TBX5: variants seen among roughly 807,000 people sequenced by gnomAD.
TBX5 encodes T-box transcription factor 5.
TBX5 carries 8 observed loss-of-function variants against 51.1 expected under a neutral mutation model. The ratio of observed to expected loss-of-function variants is 0.16; its 90% CI spans 0.09 to 0.28. TBX5 has a LOEUF of 0.28. Among genes scored for constraint, TBX5 ranks in the 10% least tolerant of loss-of-function variants. The pLI is 1.00. For missense variants in TBX5, 589 were observed against 671.7 expected (o/e 0.88, Z 1.36); for synonymous variants, 302 against 266.4 (o/e 1.13, Z -1.30).
At chr12:114,368,198 A>G (rs1869659897) in intron 7 of TBX5, among the ~76,000 whole-genome samples, 1 of 152,186 alleles carries the variant, frequency 6.6e-6, no homozygotes, top group Non-Finnish European at 1.5e-5. Flanking sequence ...ATTAAGACGA[A>G]TGTTTATGTG....
Position 114,355,936 on chromosome 12 carries a change from G to A in TBX5, c.1153C>T (p.Pro385Ser), listed in dbSNP as rs1020820745. The A allele has an allele frequency of 3.7e-6, 6 of 1,613,752 alleles. No individual in the cohort carries two copies. Among genetic ancestry groups the A allele is most frequent in the Middle Eastern group, 1.6e-4 (1 of 6,084 alleles). The part of the protein sequence containing the change: ...RQACMYASSA[P>S]PSEPVPSLED... ...AGGCTGGGCACAGGCTCGCTGGGGG[G>A]CGCAGAGCTGGCATACATGCAAGCT... The change falls in exon 9 of 9, where the codon CCC becomes TCC. Residue 385 changes from proline to serine, a missense_variant. Pro to Ser is a moderately conservative substitution (Grantham distance 74). Coordinates refer to ENST00000405440, the MANE Select transcript of TBX5 (RefSeq NM_181486.4).
At chr12:114,401,613 T>A (rs1871814719) in intron 3 of TBX5, among the ~76,000 whole-genome samples, 1 of 152,184 alleles carries the variant, frequency 6.6e-6, no homozygotes, top group Admixed American at 6.5e-5. Context: ...ATTTCCTCCA[T>A]CCTAGGAGAG....
chr12:114,358,631 C>CA (rs1224490893), intron 8 of TBX5, among the ~76,000 whole-genome samples: 3 of 151,400 alleles, frequency 2.0e-5, no homozygotes, highest in African/African-American at 7.3e-5. Flanking sequence ...TATAGGATAC[C>CA]AAAAAAATTT....
chr12:114,399,665 C>A (rs756340269), intron 3 of TBX5, 33 bp from the exon 4 acceptor site: 3 of 1,613,804 alleles, frequency 1.9e-6, no homozygotes, highest in Non-Finnish European at 1.7e-6. Context: ...GAGAGGGGGG[C>A]GGGAATTAAT....
intron 8 of TBX5, among the ~76,000 whole-genome samples, chr12:114,362,691 G>T (rs976152509): frequency 6.6e-6 from 1 of 151,978 alleles, no homozygotes; most frequent in African/African-American, 2.4e-5. Context: ...TTGAGACAGG[G>T]TCTCTCTCTG....
At chr12:114,361,507 G>T (rs1869238408) in intron 8 of TBX5, among the ~76,000 whole-genome samples, 1 of 152,210 alleles carries the variant, frequency 6.6e-6, no homozygotes, top group South Asian at 2.1e-4. Context: ...GGATTTGATT[G>T]AGTGGCATTG....
chr12:114,355,176 A>G lies in TBX5; in HGVS notation c.*356T>C, dbSNP rs1868804479. On this transcript the variant is annotated 3_prime_UTR_variant, in exon 9 of 9. Transcript: ENST00000405440. ...GACTCCAACTACGCACTAGGGAAAA[A>G]CACTCAATGAGGCAAGACTTTCTAG... is the stretch of plus-strand genomic sequence containing the variant. 2.7e-6 allele frequency: 1 copy of G among 376,992 alleles called. No homozygotes were observed. The highest frequency in any genetic ancestry group is 5.1e-6 in the Non-Finnish European group (1 of 195,704). The allele number at this position is 376,992 out of a possible 1,614,324, so 23.4% of individuals were successfully genotyped here. A position where few individuals can be genotyped will look rare whatever the true frequency, so the allele number is the denominator to read the frequency against.
intron 8 of TBX5, among the ~76,000 whole-genome samples, chr12:114,358,491 T>A (rs1205245150): frequency 2.0e-5 from 3 of 152,142 alleles, no homozygotes; most frequent in Non-Finnish European, 2.9e-5. Context: ...TCCATTTGTA[T>A]CAATGTCCAA....
intron 7 of TBX5, among the ~76,000 whole-genome samples, chr12:114,368,995 C>T (rs1022154872): frequency 6.7e-5 from 10 of 148,510 alleles, no homozygotes; most frequent in South Asian, 4.3e-4. Flanking sequence ...GTTCAAGCTA[C>T]GTAATGGAAA....
intron 6 of TBX5, among the ~76,000 whole-genome samples, chr12:114,387,825 C>T (rs548488022): frequency 1.3e-3 from 198 of 152,244 alleles, no homozygotes; most frequent in Admixed American, 2.8e-3. Context: ...TAAAACTGCT[C>T]TAAAAAATGA....
intron 6 of TBX5, among the ~76,000 whole-genome samples, chr12:114,393,855 A>G (rs1470935868): frequency 6.6e-6 from 1 of 152,072 alleles, no homozygotes; most frequent in African/African-American, 2.4e-5. Context: ...GTGTTATCCC[A>G]AGCTGCTGGT....
chr12:114,397,817 G>A (rs909972249), intron 5 of TBX5, among the ~76,000 whole-genome samples: 2 of 152,212 alleles, frequency 1.3e-5, no homozygotes, highest in Non-Finnish European at 2.9e-5. Context: ...AAGCTAAAAA[G>A]TGGCACTGGC....
At chr12:114,365,889 G>A (rs1157988946) in intron 8 of TBX5, among the ~76,000 whole-genome samples, 11 of 150,840 alleles carry the variant, frequency 7.3e-5, no homozygotes, top group African/African-American at 2.7e-4. Flanking sequence ...CTCTGCACTC[G>A]CCACGTGTAT....
At chr12:114,377,888 T>C (rs912956168) in intron 7 of TBX5, among the ~76,000 whole-genome samples, 1 of 152,042 alleles carries the variant, frequency 6.6e-6, no homozygotes. Flanking sequence ...CAGTTCCCAA[T>C]GTGGCTGTGT....
intron 6 of TBX5, among the ~76,000 whole-genome samples, chr12:114,393,095 T>G (rs1871246871): frequency 6.6e-6 from 1 of 152,132 alleles, no homozygotes; most frequent in Non-Finnish European, 1.5e-5. Flanking sequence ...AGTCCCGGCC[T>G]CAGTTGGGGT....
chr12:114,382,512 A>T (rs910078697), intron 7 of TBX5, among the ~76,000 whole-genome samples: 1 of 152,038 alleles, frequency 6.6e-6, no homozygotes, highest in Admixed American at 6.6e-5. Context: ...AAAAATACAA[A>T]TTTAGGCTAG....
intron 7 of TBX5, among the ~76,000 whole-genome samples, chr12:114,371,345 TC>T (rs1869891017): frequency 6.6e-6 from 1 of 152,268 alleles, no homozygotes; most frequent in Non-Finnish European, 1.5e-5. Context: ...GACCAGCTTC[TC>T]CCCAGCTCTG....
intron 6 of TBX5, among the ~76,000 whole-genome samples, chr12:114,387,910 C>T (rs1870910303): frequency 6.6e-6 from 1 of 152,204 alleles, no homozygotes; most frequent in Admixed American, 6.5e-5. Context: ...GAACATAGCT[C>T]ACTGCAGCCT....
chr12:114,368,252 T>C (rs1469984484), intron 7 of TBX5, among the ~76,000 whole-genome samples: 1 of 152,178 alleles, frequency 6.6e-6, no homozygotes, highest in East Asian at 1.9e-4. Context: ...AGAGGATTGC[T>C]TGAGCCCAGG....
Sources: gnomAD v4.1 joint callset for allele counts (sites outside exome capture counted in the v4.1 genomes callset) on GRCh38, gnomAD v4.1.1 for gene constraint, MANE v1.5 for transcripts, NCBI Gene and HGNC (gene_info 2026-07-23, HGNC 2026-07-21) for gene names.